Variants in FGGY observed in about 807,000 individuals in gnomAD.
FGGY encodes FGGY carbohydrate kinase domain containing, also known as FGGY carbohydrate kinase domain-containing protein.
In FGGY, 72 loss-of-function variants were observed where a neutral mutation model predicts 71.3. The ratio of observed to expected loss-of-function variants is 1.01; its 90% CI spans 0.84 to 1.23. The LOEUF is 1.23. Ranked by LOEUF, FGGY falls within the 50% of genes most tolerant of loss-of-function variation. The pLI, the probability that FGGY is intolerant of heterozygous loss-of-function variation, is 0.00. For missense variants in FGGY, 668 were observed against 682.3 expected, an observed-to-expected ratio of 0.98 and a Z score of 0.23; for synonymous variants, 251 against 250.3, an observed-to-expected ratio of 1.00 and a Z score of -0.02.
chr1:59,721,320 T>C (rs1410544071), intron 14 of FGGY, among the ~76,000 whole-genome samples: 2 of 138,982 alleles, frequency 1.4e-5, no homozygotes, highest in Non-Finnish European at 3.1e-5. Flanking sequence ...ACAGAGAGTT[T>C]TTCTTTTCTT....
intron 14 of FGGY, among the ~76,000 whole-genome samples, chr1:59,714,189 A>G (rs189444706): frequency 2.0e-5 from 3 of 152,352 alleles, no homozygotes; most frequent in East Asian, 3.9e-4. Context: ...ATAATAAACT[A>G]TGGCCACCTT....
chr1:59,461,982 C>T (rs1480123541), intron 6 of FGGY, among the ~76,000 whole-genome samples: 3 of 151,708 alleles, frequency 2.0e-5, no homozygotes, highest in African/African-American at 7.3e-5. Context: ...CCTCCTCCCC[C>T]CACCCCACAA....
chr1:59,315,735 AGG>A (rs1405821616), intron 1 of FGGY: 3 of 152,230 alleles, frequency 2.0e-5, no homozygotes, highest in African/African-American at 7.2e-5. Context: ...GCCAAGCCAC[AGG>A]TATGTCTAGA....
intron 14 of FGGY, among the ~76,000 whole-genome samples, chr1:59,726,864 A>G (rs2100800447): frequency 6.6e-6 from 1 of 152,016 alleles, no homozygotes; most frequent in East Asian, 1.9e-4. Flanking sequence ...TCTAATTTTT[A>G]TTATTTCTTC....
chr1:59,401,634 G>T (rs901264571), intron 5 of FGGY, among the ~76,000 whole-genome samples: 11 of 152,212 alleles, frequency 7.2e-5, no homozygotes, highest in Non-Finnish European at 1.3e-4. Flanking sequence ...TGGTTAATAA[G>T]TCCTTGCCAG....
chr1:59,467,366 G>C (rs958004713), intron 6 of FGGY, among the ~76,000 whole-genome samples: 1 of 151,980 alleles, frequency 6.6e-6, no homozygotes, highest in African/African-American at 2.4e-5. Context: ...GGGAATGGGG[G>C]AGGGATAGCA....
intron 4 of FGGY, among the ~76,000 whole-genome samples, chr1:59,378,366 G>A (rs979072925): frequency 2.0e-5 from 3 of 151,764 alleles, no homozygotes; most frequent in African/African-American, 4.8e-5. Context: ...TCTCTCTGTG[G>A]TCTGCTGCCA....
At chr1:59,445,906 C>A (rs1233124317) in intron 5 of FGGY, among the ~76,000 whole-genome samples, 1 of 152,160 alleles carries the variant, frequency 6.6e-6, no homozygotes, top group Admixed American at 6.5e-5. Flanking sequence ...TTGATCAGGG[C>A]AGGTTTTGAA....
intron 7 of FGGY, among the ~76,000 whole-genome samples, chr1:59,525,634 G>T (rs1371837806): frequency 1.3e-5 from 2 of 152,170 alleles, no homozygotes; most frequent in African/African-American, 4.8e-5. Flanking sequence ...GAAAATCAAA[G>T]ATTTATTACT....
rs935808513 is a variant in FGGY at position 59,581,371 on chromosome 1, G to C, written c.904-26432G>C. Among the ~76,000 whole-genome samples, 40 of 150,212 alleles carry C rather than the reference G, an allele frequency of 2.7e-4. 5 individuals are homozygous for C. The highest frequency in any genetic ancestry group is 9.8e-4 in the African/African-American group (39 of 39,858). ...ATCAAATTATCTCACAACTTCTTCT[G>C]AGTGACATACACTGAATTTTATCTT... On this transcript the variant is annotated intron_variant, in intron 8 of 15. Coordinates refer to ENST00000303721, the MANE Select transcript of FGGY (RefSeq NM_018291.5).
At chr1:59,655,452 A>T (rs1478221163) in intron 11 of FGGY, among the ~76,000 whole-genome samples, 13 of 100,498 alleles carry the variant, frequency 1.3e-4, no homozygotes, top group African/African-American at 4.6e-4. Context: ...CACAGGCCCC[A>T]GTGTGTGATG....
At chr1:59,428,942 C>A (rs894470544) in intron 5 of FGGY, among the ~76,000 whole-genome samples, 1 of 152,160 alleles carries the variant, frequency 6.6e-6, no homozygotes, top group African/African-American at 2.4e-5. Flanking sequence ...CTGGTCCTTA[C>A]CCGCTAGAGT....
At chr1:59,643,715 A>G (rs1361618512) in intron 11 of FGGY, among the ~76,000 whole-genome samples, 1 of 152,254 alleles carries the variant, frequency 6.6e-6, no homozygotes, top group Non-Finnish European at 1.5e-5. Flanking sequence ...AAGACATAAC[A>G]TATGTTTTAA....
chr1:59,380,602 A>T (rs576068029), intron 5 of FGGY, among the ~76,000 whole-genome samples: 2 of 151,526 alleles, frequency 1.3e-5, no homozygotes, highest in Non-Finnish European at 2.9e-5. Flanking sequence ...TTCTTTTGAG[A>T]AGTGTCTGTT....
chr1:59,568,473 G>GT (rs2095918330), intron 8 of FGGY, among the ~76,000 whole-genome samples: 2 of 142,108 alleles, frequency 1.4e-5, no homozygotes, highest in African/African-American at 5.2e-5. Flanking sequence ...GCGGGGGGGG[G>GT]TGTTCTTATT....
At chr1:59,374,644 G>A (rs1192602381) in intron 4 of FGGY, among the ~76,000 whole-genome samples, 4 of 151,916 alleles carry the variant, frequency 2.6e-5, no homozygotes, top group Non-Finnish European at 5.9e-5. Context: ...GGAAAGACTT[G>A]GAACCAACCC....
rs531052365 is a variant in FGGY, at chr1:59,596,457, T to C, written c.904-11346T>C. ...TCTCCTTATTTCAATCTTTTTTTTT[T>C]CTCCAAAAAAAAAAAAAAGTGACTT... On this transcript the variant is annotated intron_variant, in intron 8 of 15. Coordinates refer to ENST00000303721, the MANE Select transcript of FGGY (RefSeq NM_018291.5). Among the ~76,000 whole-genome samples, 4 of 149,966 alleles carry C rather than the reference T, an allele frequency of 2.7e-5. No homozygotes were observed. In the East Asian group the frequency reaches 5.9e-4, roughly 22 times the overall value.
intron 8 of FGGY, among the ~76,000 whole-genome samples, chr1:59,555,923 C>T (rs189928368): frequency 2.0e-5 from 3 of 152,266 alleles, no homozygotes; most frequent in Admixed American, 1.3e-4. Context: ...ATTGCTTGAA[C>T]CCAGAAGGCA....
chr1:59,328,835 A>G (rs2047910140), intron 2 of FGGY, among the ~76,000 whole-genome samples: 1 of 151,848 alleles, frequency 6.6e-6, no homozygotes, highest in Non-Finnish European at 1.5e-5. Context: ...AGAGATGAGG[A>G]ATAGCTAGTC....
Sources: gnomAD v4.1 joint callset for allele counts (sites outside exome capture counted in the v4.1 genomes callset) on GRCh38, gnomAD v4.1.1 for gene constraint, MANE v1.5 for transcripts, NCBI Gene and HGNC (gene_info 2026-07-23, HGNC 2026-07-21) for gene names.